The following PAPPA variants were observed in gnomAD, a reference collection of about 807,000 sequenced individuals.
The protein encoded by PAPPA is pappalysin 1.
PAPPA carries 60 observed loss-of-function variants against 164.0 expected under a neutral mutation model. The ratio of observed to expected loss-of-function variants is 0.37; its 90% CI spans 0.30 to 0.45. PAPPA has a LOEUF of 0.45. PAPPA is among the 20% of genes least tolerant of loss of function. PAPPA has a pLI of 1.00. For missense variants in PAPPA, 1,782 were observed against 2,087.3 expected (o/e 0.85, Z 2.85); for synonymous variants, 875 against 814.1 (o/e 1.07, Z -1.27).
intron 9 of PAPPA, among the ~76,000 whole-genome samples, chr9:116,272,705 A>T (rs1350725943): frequency 1.3e-5 from 2 of 152,284 alleles, no homozygotes; most frequent in South Asian, 2.1e-4. Flanking sequence ...TTAAATTGCC[A>T]AAAAATTTTC....
At position 116,208,742 on chromosome 9, in the gene PAPPA, A is replaced by T. The variant is rs117684272; in HGVS notation, c.1624+1141A>T. Among the ~76,000 whole-genome samples the T allele has an allele frequency of 3.3e-3, 495 of 152,290 alleles. 7 individuals carry two copies. Among genetic ancestry groups the T allele is most frequent in the East Asian group, 0.029 (148 of 5,186 alleles). On this transcript the variant is annotated intron_variant, in intron 3 of 21. Coordinates refer to ENST00000328252, the MANE Select transcript of PAPPA (RefSeq NM_002581.5). ...GGAAATGAGAGATTTAAATAATGCA[A>T]GTTTTGCTCAATGAAACCATAGACT... is the stretch of plus-strand genomic sequence containing the variant.
At chr9:116,368,712 G>A (rs976742750) in intron 19 of PAPPA, among the ~76,000 whole-genome samples, 2 of 152,210 alleles carry the variant, frequency 1.3e-5, no homozygotes, top group Non-Finnish European at 2.9e-5. Context: ...CCGGGGTTGC[G>A]GGGTGGGCGA....
intron 1 of PAPPA, among the ~76,000 whole-genome samples, chr9:116,174,013 T>C (rs1274096196): frequency 6.6e-6 from 1 of 152,200 alleles, no homozygotes; most frequent in Admixed American, 6.5e-5. Context: ...TCTTTGTCAC[T>C]TGGCCAACAG....
At chr9:116,267,673 A>G (rs1420850929) in intron 8 of PAPPA, among the ~76,000 whole-genome samples, 3 of 152,040 alleles carry the variant, frequency 2.0e-5, no homozygotes, top group African/African-American at 7.3e-5. Context: ...GGAGATCGAG[A>G]CCATCCTGGC....
At chr9:116,156,148 A>G (rs1222873137) in intron 1 of PAPPA, among the ~76,000 whole-genome samples, 1 of 148,770 alleles carries the variant, frequency 6.7e-6, no homozygotes, top group Non-Finnish European at 1.5e-5. Context: ...GGTTTTTCCT[A>G]GTCTTTACCT....
intron 1 of PAPPA, among the ~76,000 whole-genome samples, chr9:116,170,679 A>G (rs1245618289): frequency 1.5e-5 from 2 of 134,936 alleles, no homozygotes; most frequent in East Asian, 2.2e-4. Flanking sequence ...CCATCAATCC[A>G]TCCCCTTTCA....
chr9:116,385,733 G>A (rs1846801478), intron 21 of PAPPA, among the ~76,000 whole-genome samples: 1 of 152,192 alleles, frequency 6.6e-6, no homozygotes, highest in Non-Finnish European at 1.5e-5. Flanking sequence ...TCTTCTTGTT[G>A]GCTGAGGGTG....
At chr9:116,168,780 A>G (rs1324399593) in intron 1 of PAPPA, among the ~76,000 whole-genome samples, 1 of 152,200 alleles carries the variant, frequency 6.6e-6, no homozygotes, top group Admixed American at 6.5e-5. Flanking sequence ...ATCCATCACC[A>G]TCTGCATCAA....
At chr9:116,303,831 G>A (rs1172057020) in intron 10 of PAPPA, among the ~76,000 whole-genome samples, 2 of 152,178 alleles carry the variant, frequency 1.3e-5, no homozygotes, top group East Asian at 1.9e-4. Flanking sequence ...TTCCTCTGGG[G>A]TCAAGTGAAG....
At chr9:116,250,195 G>A (rs1006677985) in intron 7 of PAPPA, among the ~76,000 whole-genome samples, 5 of 152,060 alleles carry the variant, frequency 3.3e-5, no homozygotes, top group Non-Finnish European at 7.4e-5. Context: ...ACGTTACAAG[G>A]CTCAGGCTTT....
intron 9 of PAPPA, among the ~76,000 whole-genome samples, chr9:116,293,500 G>A (rs1228619906): frequency 1.3e-5 from 2 of 152,260 alleles, no homozygotes; most frequent in East Asian, 3.8e-4. Flanking sequence ...GGCTAAGGAA[G>A]TAAGGGCAGA....
intron 5 of PAPPA, 146 bp from the exon 6 acceptor site, chr9:116,227,285 C>A: frequency 1.2e-6 from 1 of 835,890 alleles, no homozygotes; most frequent in Non-Finnish European, 1.9e-6. Flanking sequence ...ACGGTTATTT[C>A]CAGAAGCCTT....
intron 16 of PAPPA, among the ~76,000 whole-genome samples, chr9:116,353,252 T>A (rs1323438): frequency 7.9e-5 from 12 of 152,102 alleles, no homozygotes; most frequent in Admixed American, 7.2e-4. Context: ...AAGATGTGCA[T>A]GTAAAGTGCT....
intron 4 of PAPPA, 101 bp from the exon 5 acceptor site, chr9:116,219,836 C>A (rs1844420053): frequency 1.1e-6 from 1 of 934,978 alleles, no homozygotes; most frequent in Non-Finnish European, 1.6e-6. Context: ...CAAGGAACGA[C>A]TTGGGTGCTG....
chr9:116,283,371 G>C (rs1309527654), intron 9 of PAPPA, among the ~76,000 whole-genome samples: 1 of 152,086 alleles, frequency 6.6e-6, no homozygotes, highest in Non-Finnish European at 1.5e-5. Context: ...GATAAGACCA[G>C]GTTTGACACT....
At chr9:116,189,222 A>T (rs986514756) in intron 2 of PAPPA, among the ~76,000 whole-genome samples, 2 of 152,240 alleles carry the variant, frequency 1.3e-5, no homozygotes, top group African/African-American at 4.8e-5. Flanking sequence ...GACTATAGGA[A>T]ATAAGGTTGA....
chr9:116,258,390 C>T (rs1465958166), intron 7 of PAPPA, among the ~76,000 whole-genome samples: 1 of 152,110 alleles, frequency 6.6e-6, no homozygotes, highest in East Asian at 1.9e-4. Context: ...GGTGGCATGG[C>T]TCATGCCTGT....
intron 9 of PAPPA, among the ~76,000 whole-genome samples, chr9:116,285,257 C>T (rs1845323499): frequency 7.0e-6 from 1 of 142,482 alleles, no homozygotes; most frequent in South Asian, 2.3e-4. Flanking sequence ...GCAACCTCCA[C>T]CTCCTGGGTT....
chr9:116,200,481 G>A (rs1844159958), intron 2 of PAPPA, among the ~76,000 whole-genome samples: 1 of 152,194 alleles, frequency 6.6e-6, no homozygotes, highest in African/African-American at 2.4e-5. Context: ...AGTGGTGTCA[G>A]CCCTCTTAGC....
Sources: allele counts gnomAD v4.1 joint callset (sites outside exome capture counted in the v4.1 genomes callset), GRCh38; gene constraint gnomAD v4.1.1; transcripts MANE v1.5; gene names NCBI Gene and HGNC (gene_info 2026-07-23, HGNC 2026-07-21).